The following GATM variants were observed in gnomAD, a reference collection of about 807,000 sequenced individuals.
GATM encodes the protein glycine amidinotransferase, mitochondrial.
GATM carries 23 observed loss-of-function variants against 54.2 expected under a neutral mutation model. The ratio of observed to expected loss-of-function variants is 0.42; its 90% CI spans 0.31 to 0.60. The LOEUF (loss-of-function observed/expected upper bound fraction) is 0.60. Among genes scored for constraint, GATM ranks in the 20% least tolerant of loss-of-function variants. The pLI, the probability that GATM is intolerant of heterozygous loss-of-function variation, is 0.14. For missense variants in GATM, 401 were observed against 544.9 expected, an observed-to-expected ratio of 0.74 and a Z score of 2.63; for synonymous variants, 168 against 183.1, an observed-to-expected ratio of 0.92 and a Z score of 0.67.
upstream of GATM, chr15:45,380,617 C>G (rs1451448075): frequency 1.3e-5 from 2 of 151,984 alleles, no homozygotes; most frequent in Non-Finnish European, 2.9e-5. Context: ...GATTACTATA[C>G]CATTTCTGCT....
At chr15:45,378,306 G>T in intron 1 of GATM, 79 bp downstream of exon 1, 1 of 1,144,508 alleles carries the variant, frequency 8.7e-7, no homozygotes, top group Admixed American at 2.3e-5. Context: ...CTCCGGGCAG[G>T]GAGCGAGCGA....
At chr15:45,372,792 G>A (rs1294255823) in intron 2 of GATM, among the ~76,000 whole-genome samples, 1 of 152,172 alleles carries the variant, frequency 6.6e-6, no homozygotes, top group African/African-American at 2.4e-5. Flanking sequence ...TTTATAATCT[G>A]GCAAAGGTTG....
chr15:45,393,731 A>G (rs2140680527), intron 3 of GATM, among the ~76,000 whole-genome samples: 1 of 152,298 alleles, frequency 6.6e-6, no homozygotes, highest in South Asian at 2.1e-4. Context: ...CATTATACTT[A>G]ACTGATTCAA....
At chr15:45,375,168 T>C (rs1304479820) in intron 2 of GATM, among the ~76,000 whole-genome samples, 1 of 152,176 alleles carries the variant, frequency 6.6e-6, no homozygotes, top group Admixed American at 6.5e-5. Context: ...CCTCCTGGGT[T>C]CATGCCATTC....
chr15:45,376,855 T>C (rs1366450601), intron 1 of GATM, 36 bp from the exon 2 acceptor site: 1 of 1,563,764 alleles, frequency 6.4e-7, no homozygotes, highest in Admixed American at 1.8e-5. Context: ...TGTATTGCAT[T>C]GCTCTATCAG....
At chr15:45,377,097 C>A (rs888282413) in intron 1 of GATM, 18 of 492,034 alleles carry the variant, frequency 3.7e-5, no homozygotes, top group Non-Finnish European at 6.1e-5. Flanking sequence ...CATACACCCC[C>A]ATCTTTATCT....
chr15:45,362,236 A>T lies in GATM; in HGVS notation c.1160-15T>A, dbSNP rs779175034. 1.4e-6 allele frequency: 2 copies of T among 1,457,348 alleles called. No individual in the cohort carries two copies. 90.3% of individuals were successfully genotyped at this position (1,457,348 alleles called of 1,614,324 possible). A position where few individuals can be genotyped will look rare whatever the true frequency, so the allele number is the denominator to read the frequency against. Reference sequence around the variant, plus strand: ...GGTAGTGATACCTGCATTGAAAGAGAGATGAGGTCAGTTAGATGGACTAAC... The same window carrying T: ...GGTAGTGATACCTGCATTGAAAGAGTGATGAGGTCAGTTAGATGGACTAAC... On this transcript the variant is annotated splice_polypyrimidine_tract_variant and intron_variant, in intron 8 of 8. Transcript: ENST00000396659.
intron 4 of GATM, among the ~76,000 whole-genome samples, chr15:45,367,773 A>G (rs1160758501): frequency 6.6e-6 from 1 of 152,192 alleles, no homozygotes; most frequent in African/African-American, 2.4e-5. Flanking sequence ...ATGGAATGAT[A>G]CTACAGTATG....
Position 45,366,522 on chromosome 15 carries a change from G to A in GATM, c.676-14C>T, listed in dbSNP as rs748127418. ...GATGGGATAATCCTAATTGGAACAA[G>A]AATGAACACACACAATGCACTGGAT... is the stretch of plus-strand genomic sequence containing the variant. On this transcript the variant is annotated splice_polypyrimidine_tract_variant and intron_variant, in intron 4 of 8. Coordinates refer to ENST00000396659, the MANE Select transcript of GATM (RefSeq NM_001482.3). 3.1e-6 allele frequency: 5 copies of A among 1,613,710 alleles called. No individual in the cohort carries two copies. The highest frequency in any genetic ancestry group is 4.2e-6 in the Non-Finnish European group (5 of 1,179,916).
At chr15:45,396,614 TAA>T in intron 3 of GATM, among the ~76,000 whole-genome samples, 1 of 152,130 alleles carries the variant, frequency 6.6e-6, no homozygotes, top group African/African-American at 2.4e-5. Context: ...CTCACACCTG[TAA>T]TCCCAATACT....
At chr15:45,384,996 A>G (rs761323234) in intron 3 of GATM, among the ~76,000 whole-genome samples, 1 of 152,142 alleles carries the variant, frequency 6.6e-6, no homozygotes, top group Non-Finnish European at 1.5e-5. Context: ...GTGTGAGCCA[A>G]CCTTTCCCTT....
chr15:45,393,521 A>C (rs112136711), intron 3 of GATM, among the ~76,000 whole-genome samples: 1,592 of 152,188 alleles, frequency 0.01, 30 homozygotes, highest in African/African-American at 0.036. Context: ...CTGTGTAGCT[A>C]TTACTGTTTA....
At chr15:45,376,283 A>G (rs1277016676) in intron 2 of GATM, among the ~76,000 whole-genome samples, 1 of 152,154 alleles carries the variant, frequency 6.6e-6, no homozygotes, top group Admixed American at 6.5e-5. Flanking sequence ...AATGGCTAAG[A>G]GAAGGGGGCT....
chr15:45,372,566 T>G (rs1284960447), intron 2 of GATM, among the ~76,000 whole-genome samples: 2 of 152,216 alleles, frequency 1.3e-5, no homozygotes, highest in African/African-American at 4.8e-5. Context: ...CACTTCCTCC[T>G]TCTCATGCCA....
intron 2 of GATM, among the ~76,000 whole-genome samples, chr15:45,376,207 G>A (rs968832851): frequency 3.3e-5 from 5 of 152,188 alleles, no homozygotes; most frequent in African/African-American, 7.2e-5. Context: ...AGTTTAACTC[G>A]TTGATCTGGA....
At chr15:45,365,560 G>A (rs904291946) in intron 6 of GATM, among the ~76,000 whole-genome samples, 2 of 152,200 alleles carry the variant, frequency 1.3e-5, no homozygotes, top group African/African-American at 4.8e-5. Context: ...CAGAAAGTAG[G>A]AGGCTGCAGG....
intron 3 of GATM, among the ~76,000 whole-genome samples, chr15:45,391,980 A>C (rs1371593234): frequency 6.6e-6 from 1 of 152,190 alleles, no homozygotes; most frequent in Non-Finnish European, 1.5e-5. Context: ...CTGGAACCAA[A>C]CTACCCAGCT....
At chr15:45,395,446 C>A (rs1238598634) in intron 3 of GATM, among the ~76,000 whole-genome samples, 1 of 152,092 alleles carries the variant, frequency 6.6e-6, no homozygotes, top group Non-Finnish European at 1.5e-5. Flanking sequence ...AACTATTAAA[C>A]ACCTAGCATT....
chr15:45,385,977 T>C (rs1168720521), intron 3 of GATM, among the ~76,000 whole-genome samples: 1 of 152,244 alleles, frequency 6.6e-6, no homozygotes, highest in Non-Finnish European at 1.5e-5. Context: ...GCATCTTGCT[T>C]TGACTACTTC....
Sources: allele counts gnomAD v4.1 joint callset (sites outside exome capture counted in the v4.1 genomes callset), GRCh38; gene constraint gnomAD v4.1.1; transcripts MANE v1.5; gene names NCBI Gene and HGNC (gene_info 2026-07-23, HGNC 2026-07-21).